POLR3E: variants seen among roughly 807,000 people sequenced by gnomAD.
The protein encoded by POLR3E is RNA polymerase III subunit E.
Under a neutral mutation model 96.6 loss-of-function variants are expected in POLR3E, and 41 were observed. The observed-to-expected ratio is 0.42, with a 90% CI of 0.33 to 0.55. The LOEUF (loss-of-function observed/expected upper bound fraction) is 0.55, where lower values mean the gene tolerates loss of function less well. Ranked by LOEUF, POLR3E falls within the 20% of genes least tolerant of loss-of-function variation. The pLI is 0.06. For synonymous variants in POLR3E, 396 were observed against 383.6 expected, an observed-to-expected ratio of 1.03 and a Z score of -0.38; for missense variants, 849 against 952.1, an observed-to-expected ratio of 0.89 and a Z score of 1.43.
Position 22,325,263 on chromosome 16 carries a change from T to G in POLR3E, c.1345T>G (p.Ser449Ala). 1.2e-6 allele frequency: 2 copies of G among 1,613,136 alleles called. No individual in the cohort carries two copies. Among genetic ancestry groups the G allele is most frequent in the Non-Finnish European group, 1.7e-6 (2 of 1,179,152 alleles). Reference sequence around the variant, plus strand: ...CATGCCAAAGAAGCCGGATGCACAATCAGGTGTGTGAGGGGCTTTGGGCTG... The same window carrying G: ...CATGCCAAAGAAGCCGGATGCACAAGCAGGTGTGTGAGGGGCTTTGGGCTG... ...ETMPKKPDAQ[S>A]GPAGLVCGDQ... The change falls in exon 17 of 21, where the codon TCA becomes GCA. Residue 449 changes from serine (S) to alanine (A), a missense_variant. Transcript: ENST00000299853.
In POLR3E at chr16:22,309,460, C is replaced by A. The variant is rs1226174419; in HGVS notation, c.314C>A (p.Ser105Tyr). The change falls in exon 6 of 21, where the codon TCC (serine) becomes TAC (tyrosine). Residue 105 changes from serine to tyrosine, a missense_variant. Ser to Tyr is a moderately radical substitution (Grantham distance 144). Coordinates refer to ENST00000299853, the MANE Select transcript of POLR3E (RefSeq NM_018119.4). ...KLMDKQTFCSSQTTSNTSRYA... is the reference protein window; with the variant it reads ...KLMDKQTFCSYQTTSNTSRYA... ...ATGGACAAGCAGACCTTCTGCTCTT[C>A]CCAGACCACCAGTAACACATCCCGT... 3.1e-6 allele frequency: 5 copies of A among 1,613,784 alleles called. No individual in the cohort carries two copies. Among genetic ancestry groups the A allele is most frequent in the Non-Finnish European group, 4.2e-6 (5 of 1,179,936 alleles).
intron 10 of POLR3E, 106 bp downstream of exon 10, chr16:22,316,792 G>T: frequency 9.6e-7 from 1 of 1,046,168 alleles, no homozygotes; most frequent in Non-Finnish European, 1.5e-6. Context: ...GTAGCATGAG[G>T]GTGGAGCCCA....
In POLR3E at chr16:22,328,616, G is replaced by A. The variant is rs74866337; in HGVS notation, c.1944+29G>A. 4,055 of 1,590,528 alleles carry A rather than the reference G, an allele frequency of 2.5e-3. 149 individuals carry two copies. The East Asian group carries it at 0.071, about 28-fold the overall frequency. ...AGGTGAACTTTGCTGCCATCTTCCC[G>A]AAGAGCCAGGGGGGTTTCCTGCAGC... On this transcript the variant is annotated intron_variant, in intron 19 of 20. Transcript: ENST00000299853.
intron 3 of POLR3E, among the ~76,000 whole-genome samples, chr16:22,306,824 A>G (rs1241975851): frequency 6.6e-6 from 1 of 152,202 alleles, no homozygotes; most frequent in Non-Finnish European, 1.5e-5. Context: ...CCACAGTTAG[A>G]GTCAGTGTTC....
Position 22,313,677 on chromosome 16 carries a change from A to T in POLR3E, c.422A>T (p.Tyr141Phe), listed in dbSNP as rs749827957. Residue 141 changes from tyrosine (Y) to phenylalanine (F), a missense_variant, in exon 7 of 21, where the codon TAC becomes TTC. Coordinates refer to ENST00000299853, the MANE Select transcript of POLR3E (RefSeq NM_018119.4). The surrounding 1 kb of genome is among the most constrained non-coding windows in gnomAD (Gnocchi z 4.1). ...CTGCAGCTGCGGCCCAGCTTCTCCT[A>T]CCTGGATAAGGCTGACGCCAAGCAC... is the stretch of plus-strand genomic sequence containing the variant. ...GILQLRPSFS[Y>F]LDKADAKHRE... The T allele has an allele frequency of 3.7e-6, 6 of 1,613,782 alleles. No individual in the cohort carries two copies. The highest frequency in any genetic ancestry group is 1.7e-5 in the Admixed American group (1 of 60,008).
intron 17 of POLR3E, 199 bp downstream of exon 17, chr16:22,325,465 C>T (rs1156645459): frequency 3.2e-6 from 2 of 621,894 alleles, no homozygotes; most frequent in Non-Finnish European, 5.7e-6. Context: ...GGGACGGAGG[C>T]TTGCGGATTC....
In POLR3E at chr16:22,299,535, TC is replaced by T. The variant is rs1567304767; in HGVS notation, c.-39+2001del. 4.0e-5 allele frequency among the ~76,000 whole-genome samples: 6 copies of T among 149,092 alleles called. No homozygotes were observed. In the South Asian group the frequency reaches 1.3e-3, roughly 33 times the overall value. On this transcript the variant is annotated intron_variant, in intron 1 of 20. Transcript: ENST00000299853. Reference sequence around the variant, plus strand: ...TTCAAGTGATTCTTCTGCCTCAGCCTCCCGAGTAGCTGGGATTACAGGCGTG... The same window carrying T: ...TTCAAGTGATTCTTCTGCCTCAGCCTCCGAGTAGCTGGGATTACAGGCGTG...
intron 19 of POLR3E, among the ~76,000 whole-genome samples, chr16:22,329,596 G>C (rs570158678): frequency 9.1e-4 from 139 of 152,276 alleles, no homozygotes; most frequent in Non-Finnish European, 1.5e-3. Context: ...GAGGATCTAA[G>C]GGGCTGGGGC....
rs373183108 is a variant in POLR3E, at chr16:22,325,541, G to A, written c.1349-220G>A. Among the ~76,000 whole-genome samples, 20 of 152,274 alleles carry A rather than the reference G, an allele frequency of 1.3e-4. No homozygotes were observed. In the East Asian group the frequency reaches 1.9e-3, roughly 15 times the overall value. ...CCCTCTTGGGTCAACAAGCGGGCCCGGAAGAGCTGCTGGGGGGAGGAACTC... is the reference window on the plus strand; with the variant it reads ...CCCTCTTGGGTCAACAAGCGGGCCCAGAAGAGCTGCTGGGGGGAGGAACTC... On this transcript the variant is annotated intron_variant, in intron 17 of 20. Transcript: ENST00000299853.
chr16:22,322,929 G>A lies in POLR3E; in HGVS notation c.1066G>A (p.Val356Ile), dbSNP rs372913863. ...GGTGCTCTGCAGGGGCCGAGACTTC[G>A]TTGTAAGTACCTTGGGTTCTCTGGA... The part of the protein sequence containing the change: ...AEVLCRGRDF[V>I]MWKFTQSRWV... Residue 356 changes from valine (V) to isoleucine (I), a missense_variant and splice_region_variant, in exon 14 of 21, where the codon GTT (valine) becomes ATT (isoleucine). Val to Ile is a conservative substitution (Grantham distance 29). Coordinates refer to ENST00000299853, the MANE Select transcript of POLR3E (RefSeq NM_018119.4). This position sits in a 1 kb window ranked among gnomAD's most constrained non-coding sequence, Gnocchi z 5.2. 26 of 1,608,020 alleles carry A rather than the reference G, an allele frequency of 1.6e-5. No homozygotes were observed. The highest frequency in any genetic ancestry group is 8.9e-5 in the East Asian group (4 of 44,796).
rs2141764906 is a variant in POLR3E at position 22,313,922 on chromosome 16, GC to G, written c.473-156del. Among the ~76,000 whole-genome samples, 1 of 152,258 alleles carries G rather than the reference GC, an allele frequency of 6.6e-6. No homozygotes were observed. Among genetic ancestry groups the G allele is most frequent in the East Asian group, 1.9e-4 (1 of 5,180 alleles). On this transcript the variant is annotated intron_variant, in intron 7 of 20. Coordinates refer to ENST00000299853, the MANE Select transcript of POLR3E (RefSeq NM_018119.4). The surrounding 1 kb of genome is among the most constrained non-coding windows in gnomAD (Gnocchi z 4.1). ...TGCCCAGTATCCCCAGGGTAAAGGG[GC>G]AAAACTGTCCCCGATTGAGAACCAC...
intron 15 of POLR3E, 42 bp from the exon 16 acceptor site, chr16:22,324,461 A>AG (rs2048535628): frequency 6.2e-7 from 1 of 1,605,996 alleles, no homozygotes; most frequent in Non-Finnish European, 8.5e-7. Flanking sequence ...GCTGGAGGGG[A>AG]GGGGGCTGGC....
At chr16:22,303,495 A>G (rs948432776) in intron 2 of POLR3E, among the ~76,000 whole-genome samples, 2 of 152,184 alleles carry the variant, frequency 1.3e-5, no homozygotes, top group Non-Finnish European at 2.9e-5. Flanking sequence ...GTCATTCAGC[A>G]GCTGTTCACT....
At chr16:22,327,129 T>G (rs898451335) in intron 18 of POLR3E, 1 of 152,594 alleles carries the variant, frequency 6.6e-6, no homozygotes, top group Non-Finnish European at 1.5e-5. Context: ...TGGGGTGAGG[T>G]GGGGCTGTGG....
Position 22,320,242 on chromosome 16 carries a change from C to T in POLR3E, c.986+1296C>T, listed in dbSNP as rs372951368. On this transcript the variant is annotated intron_variant, in intron 13 of 20. Transcript: ENST00000299853. ...GTTCCAATTTTAGTATATGTACTGC[C>T]GAAGAGAGCACAGGATTGGTGTATT... Among the ~76,000 whole-genome samples, 3 of 152,052 alleles carry T rather than the reference C, an allele frequency of 2.0e-5. No individual in the cohort carries two copies. In the South Asian group the frequency reaches 6.2e-4, roughly 32 times the overall value.
intron 13 of POLR3E, among the ~76,000 whole-genome samples, chr16:22,320,677 A>G (rs2048456344): frequency 6.6e-6 from 1 of 152,062 alleles, no homozygotes; most frequent in Non-Finnish European, 1.5e-5. Context: ...CTGCATCTCT[A>G]AGTTTCTATC....
rs538940776 is a variant in POLR3E at position 22,309,045 on chromosome 16, G to C, written c.281+5G>C. 1 of 1,601,034 alleles carries C rather than the reference G, an allele frequency of 6.2e-7. No homozygotes were observed. The highest frequency in any genetic ancestry group is 1.1e-5 in the South Asian group (1 of 90,792). ...CGAGACCAGCACGTATTCCTCGTGA[G>C]TTTCCGGCCCCAAGCCTGTCCGGTT... On this transcript the variant is annotated splice_donor_5th_base_variant and intron_variant, in intron 5 of 20. Coordinates refer to ENST00000299853, the MANE Select transcript of POLR3E (RefSeq NM_018119.4).
rs1252027099 is a variant in POLR3E, at chr16:22,333,956, TTTTGCTTA to T, written c.*259_*266del. The T allele has an allele frequency of 1.2e-5, 5 of 412,368 alleles. No individual in the cohort carries two copies. The highest frequency in any genetic ancestry group is 2.0e-5 in the African/African-American group (1 of 50,080). 25.5% of individuals were successfully genotyped at this position (412,368 alleles called of 1,614,324 possible). The stretch of plus-strand genomic sequence containing the variant: ...AGTACAATTTGAAATTCCTGATGTA[TTTTGCTTA>T]TTATTTGGTTTCATTCTCATAATAA... On this transcript the variant is annotated 3_prime_UTR_variant, in exon 21 of 21. Coordinates refer to ENST00000299853, the MANE Select transcript of POLR3E (RefSeq NM_018119.4).
At chr16:22,302,167 C>T (rs754150891) in intron 1 of POLR3E, among the ~76,000 whole-genome samples, 29 of 152,080 alleles carry the variant, frequency 1.9e-4, no homozygotes, top group African/African-American at 7.0e-4. Flanking sequence ...TTCTTCCAGG[C>T]GCACCTAACG....
Sources: allele counts gnomAD v4.1 joint callset (sites outside exome capture counted in the v4.1 genomes callset), GRCh38; gene constraint gnomAD v4.1.1; non-coding constraint Gnocchi (gnomAD v3.1); transcripts MANE v1.5; gene names NCBI Gene and HGNC (gene_info 2026-07-23, HGNC 2026-07-21).